Variants in POC1B observed in about 807,000 individuals in gnomAD.
POC1B encodes POC1 centriolar protein B, also known as POC1 centriolar protein homolog B.
In POC1B, 44 loss-of-function variants were observed where a neutral mutation model predicts 60.6. The ratio of observed to expected loss-of-function variants is 0.73; its 90% confidence interval spans 0.57 to 0.93. The LOEUF (loss-of-function observed/expected upper bound fraction) is 0.93, where lower values mean the gene tolerates loss of function less well. Among genes scored for constraint, POC1B ranks in the 40% least tolerant of loss-of-function variants. The pLI is 0.00. For missense variants in POC1B, 555 were observed against 572.3 expected, an observed-to-expected ratio of 0.97 and a Z score of 0.31; for synonymous variants, 180 against 198.9, an observed-to-expected ratio of 0.90 and a Z score of 0.80.
At chr12:89,499,050 C>G (rs1442210453) in intron 2 of POC1B, among the ~76,000 whole-genome samples, 1 of 151,998 alleles carries the variant, frequency 6.6e-6, no homozygotes, top group East Asian at 1.9e-4. Flanking sequence ...GTACTCTGAG[C>G]ACAGGAATCC....
chr12:89,524,745 A>T, intron 2 of POC1B: 1 of 647,376 alleles, frequency 1.5e-6, no homozygotes, highest in Middle Eastern at 4.2e-4. Context: ...GGCACAGCCC[A>T]ACTCCTCTCT....
At chr12:89,437,476 T>C (rs1325280320) in intron 10 of POC1B, among the ~76,000 whole-genome samples, 5 of 152,188 alleles carry the variant, frequency 3.3e-5, no homozygotes, top group Non-Finnish European at 7.3e-5. Context: ...TTCTGAGCTG[T>C]CCTCGTTCCT....
chr12:89,473,967 G>A (rs1181966369), intron 4 of POC1B, among the ~76,000 whole-genome samples: 1 of 152,080 alleles, frequency 6.6e-6, no homozygotes, highest in Non-Finnish European at 1.5e-5. Context: ...CAGTTTGGGA[G>A]GCCGAGGCAG....
At chr12:89,509,204 T>C (rs1174187564) in intron 2 of POC1B, among the ~76,000 whole-genome samples, 5 of 152,238 alleles carry the variant, frequency 3.3e-5, no homozygotes, top group African/African-American at 1.2e-4. Flanking sequence ...CATTTACTTA[T>C]TTTTATCAGT....
chr12:89,459,602 TTAAG>T (rs1377541363), intron 10 of POC1B, 32 bp downstream of exon 10: 6 of 1,155,394 alleles, frequency 5.2e-6, no homozygotes, highest in Non-Finnish European at 6.0e-6. Context: ...TAAATGCCAC[TTAAG>T]TGTCAAAAAA....
intron 11 of POC1B, among the ~76,000 whole-genome samples, chr12:89,422,972 A>G (rs896779024): frequency 2.0e-5 from 3 of 152,210 alleles, no homozygotes; most frequent in Non-Finnish European, 4.4e-5. Context: ...ACAGTCTACC[A>G]TTTACTGAGT....
chr12:89,445,555 T>C (rs1881744062), intron 10 of POC1B, among the ~76,000 whole-genome samples: 1 of 152,216 alleles, frequency 6.6e-6, no homozygotes, highest in African/African-American at 2.4e-5. Context: ...GCTAGCCATA[T>C]GTAGAAAGCT....
intron 3 of POC1B, 128 bp from the exon 4 acceptor site, chr12:89,492,243 A>C: frequency 1.4e-6 from 1 of 739,404 alleles, no homozygotes; most frequent in Non-Finnish European, 2.0e-6. Context: ...AAAACCTAAC[A>C]AAAGTATGAA....
Position 89,525,151 on chromosome 12 carries a change from G to A in POC1B, c.69C>T (p.Ser23=), listed in dbSNP as rs1160015927. The A allele has an allele frequency of 2.5e-6, 4 of 1,613,918 alleles. No homozygotes were observed. The highest frequency in any genetic ancestry group is 1.7e-5 in the Admixed American group (1 of 60,006). Residue 23 remains serine (S), a synonymous_variant, in exon 2 of 12, where the codon TCC becomes TCT. Coordinates refer to ENST00000313546, the MANE Select transcript of POC1B (RefSeq NM_172240.3). The part of the protein sequence containing the change: ...YFKGHKAAIT[S]LDLSPNGKQL... ...GCTTGCCGTTGGGGCTGAGGTCCAAGGAGGTGATCGCAGCTTTGTGGCCTT... is the reference window on the plus strand; with the variant it reads ...GCTTGCCGTTGGGGCTGAGGTCCAAAGAGGTGATCGCAGCTTTGTGGCCTT...
chr12:89,524,520 C>G (rs1270498407), intron 2 of POC1B: 1 of 1,611,766 alleles, frequency 6.2e-7, no homozygotes, highest in Non-Finnish European at 8.5e-7. Flanking sequence ...GCAGGCAGCT[C>G]TTGCCTGCCC....
At chr12:89,503,876 C>A (rs1363127827) in intron 2 of POC1B, among the ~76,000 whole-genome samples, 1 of 148,276 alleles carries the variant, frequency 6.7e-6, no homozygotes, top group Non-Finnish European at 1.5e-5. Context: ...GGAGCCCCTC[C>A]GCCTGGCAGC....
chr12:89,491,429 G>A (rs1868962741), intron 4 of POC1B, among the ~76,000 whole-genome samples: 1 of 151,920 alleles, frequency 6.6e-6, no homozygotes, highest in Non-Finnish European at 1.5e-5. Context: ...TTTGAGACCA[G>A]CTTGGGCAAC....
chr12:89,469,929 G>A (rs374037979), intron 7 of POC1B, among the ~76,000 whole-genome samples: 7 of 151,334 alleles, frequency 4.6e-5, no homozygotes, highest in South Asian at 2.1e-4. Context: ...GTGCAGTGGT[G>A]CAATCTCAGC....
chr12:89,499,514 T>C (rs1251192017), intron 2 of POC1B, among the ~76,000 whole-genome samples: 2 of 145,420 alleles, frequency 1.4e-5, no homozygotes, highest in East Asian at 2.0e-4. Flanking sequence ...GCTGAAATTA[T>C]TGAAAGAAAA....
At chr12:89,474,585 T>C (rs1275839129) in intron 4 of POC1B, among the ~76,000 whole-genome samples, 1 of 152,114 alleles carries the variant, frequency 6.6e-6, no homozygotes, top group African/African-American at 2.4e-5. Flanking sequence ...CTTGTCTCAA[T>C]TTACAGTGAA....
chr12:89,445,488 C>G (rs1464839468), intron 10 of POC1B, among the ~76,000 whole-genome samples: 5 of 152,060 alleles, frequency 3.3e-5, no homozygotes, highest in African/African-American at 4.8e-5. Flanking sequence ...ATAAACCTGA[C>G]AAAAACAAGA....
At chr12:89,425,542 T>G (rs1371571216) in intron 10 of POC1B, 163 bp from the exon 11 acceptor site, 1 of 519,794 alleles carries the variant, frequency 1.9e-6, no homozygotes, top group East Asian at 3.2e-5. Context: ...AATAAGGAAT[T>G]ATTATAATTC....
At chr12:89,490,091 G>A (rs1868876270) in intron 4 of POC1B, among the ~76,000 whole-genome samples, 1 of 152,148 alleles carries the variant, frequency 6.6e-6, no homozygotes, top group African/African-American at 2.4e-5. Context: ...AGCATATAGA[G>A]AGGCCCCCAG....
At position 89,494,278 on chromosome 12, in the gene POC1B, T is replaced by C. The variant is rs150905467; in HGVS notation, c.273-2163A>G. ...GTTGCCCATGCTGGTCTTGAACTCTTGGCCTCAAGTGATCCTCCTGCCTCA... is the reference window on the plus strand; with the variant it reads ...GTTGCCCATGCTGGTCTTGAACTCTCGGCCTCAAGTGATCCTCCTGCCTCA... On this transcript the variant is annotated intron_variant, in intron 3 of 11. Coordinates refer to ENST00000313546, the MANE Select transcript of POC1B (RefSeq NM_172240.3). Among the ~76,000 whole-genome samples the C allele has an allele frequency of 6.6e-4, 100 of 152,188 alleles. No individual in the cohort carries two copies. The East Asian group carries it at 0.018, about 27-fold the overall frequency.
Sources: gnomAD v4.1 joint callset for allele counts (sites outside exome capture counted in the v4.1 genomes callset) on GRCh38, gnomAD v4.1.1 for gene constraint, MANE v1.5 for transcripts, NCBI Gene and HGNC (gene_info 2026-07-23, HGNC 2026-07-21) for gene names.